NBPF3: variants seen among roughly 807,000 people sequenced by gnomAD.
NBPF3 encodes the protein NBPF family member NBPF3.
In NBPF3, 57 loss-of-function variants were observed where a neutral mutation model predicts 78.1. The observed-to-expected ratio is 0.73, with a 90% CI of 0.59 to 0.91. The LOEUF (loss-of-function observed/expected upper bound fraction) is 0.91, where lower values mean the gene tolerates loss of function less well. NBPF3 is among the 40% of genes least tolerant of loss of function. The probability of loss-of-function intolerance (pLI) is 0.00; values close to 1 mark genes in which losing one functional copy is unlikely to be tolerated. For synonymous variants in NBPF3, 182 were observed against 271.7 expected, an observed-to-expected ratio of 0.67 and a Z score of 3.25; for missense variants, 510 against 715.3, an observed-to-expected ratio of 0.71 and a Z score of 3.27.
At chr1:21,446,445 A>AC (rs1640974099) in intron 2 of NBPF3, 1 of 100,242 alleles carries the variant, frequency 1.0e-5, no homozygotes, top group African/African-American at 3.3e-5. Context: ...AAATTTGTTC[A>AC]TTTCCTTCCT....
At chr1:21,441,928 T>A (rs1640677033) in intron 1 of NBPF3, among the ~76,000 whole-genome samples, 1 of 152,214 alleles carries the variant, frequency 6.6e-6, no homozygotes, top group African/African-American at 2.4e-5. Flanking sequence ...CGCTGATGCC[T>A]GTCAGTTAAA....
chr1:21,472,794 G>A, intron 5 of NBPF3, 49 bp from the exon 6 acceptor site: 1 of 1,326,134 alleles, frequency 7.5e-7, no homozygotes, highest in Non-Finnish European at 1.1e-6. Flanking sequence ...GACTGTGCTT[G>A]CAGAGTGTGA....
At chr1:21,472,479 A>G (rs1289819335) in intron 5 of NBPF3, among the ~76,000 whole-genome samples, 1 of 152,222 alleles carries the variant, frequency 6.6e-6, no homozygotes, top group African/African-American at 2.4e-5. Context: ...CCTAAGAGAA[A>G]GAATTAGGTT....
chr1:21,470,208 T>G (rs1445892638), intron 3 of NBPF3, among the ~76,000 whole-genome samples: 1 of 152,218 alleles, frequency 6.6e-6, no homozygotes, highest in Admixed American at 6.5e-5. Context: ...TATTTGTCCT[T>G]GAACTTCCCA....
At chr1:21,438,249 A>C (rs1019466429), upstream of NBPF3, among the ~76,000 whole-genome samples, 22 of 152,086 alleles carry the variant, frequency 1.4e-4, no homozygotes, top group African/African-American at 4.3e-4. Context: ...AGTAGCTGGA[A>C]TTACAGGCGT....
intron 3 of NBPF3, among the ~76,000 whole-genome samples, chr1:21,469,680 A>C (rs1642478551): frequency 6.6e-6 from 1 of 152,184 alleles, no homozygotes. Flanking sequence ...AGCCAAGAAC[A>C]CGCCATTGCA....
At chr1:21,457,393 TATGTATATATATGC>T (rs1261066383) in intron 2 of NBPF3, among the ~76,000 whole-genome samples, 1 of 143,472 alleles carries the variant, frequency 7.0e-6, no homozygotes, top group African/African-American at 2.7e-5. Context: ...TATATATATG[TATGTATATATATGC>T]ATGTGTATAT....
chr1:21,447,081 C>T (rs1448848338), intron 2 of NBPF3, among the ~76,000 whole-genome samples: 1 of 152,220 alleles, frequency 6.6e-6, no homozygotes, highest in South Asian at 2.1e-4. Context: ...GGGGCTGCTG[C>T]ATCCTAATTA....
Position 21,470,620 on chromosome 1 carries a change from G to A in NBPF3, c.344-12G>A, listed in dbSNP as rs755363315. On this transcript the variant is annotated splice_polypyrimidine_tract_variant and intron_variant, in intron 3 of 14. Coordinates refer to ENST00000318249, the MANE Select transcript of NBPF3 (RefSeq NM_032264.6). ...GCCTTTCACTGAGGCAGGCGTGTGTGTCTTTTCTCAGACTATGAAGACTGC... is the reference window on the plus strand; with the variant it reads ...GCCTTTCACTGAGGCAGGCGTGTGTATCTTTTCTCAGACTATGAAGACTGC... 24 of 1,580,624 alleles carry A rather than the reference G, an allele frequency of 1.5e-5. No homozygotes were observed. Among genetic ancestry groups the A allele is most frequent in the Non-Finnish European group, 2.1e-5 (24 of 1,156,968 alleles).
chr1:21,456,130 T>C (rs1252412303), intron 2 of NBPF3, among the ~76,000 whole-genome samples: 1 of 152,206 alleles, frequency 6.6e-6, no homozygotes, highest in Admixed American at 6.5e-5. Context: ...CTGTGGGCTT[T>C]CCATGAATCC....
intron 8 of NBPF3, among the ~76,000 whole-genome samples, chr1:21,475,866 G>A (rs961323669): frequency 7.2e-5 from 11 of 152,212 alleles, no homozygotes; most frequent in Non-Finnish European, 1.3e-4. Flanking sequence ...AATATTGACA[G>A]TGGGGTGTTA....
intron 6 of NBPF3, among the ~76,000 whole-genome samples, 183 bp from the exon 7 acceptor site, chr1:21,473,197 C>T (rs1483814701): frequency 6.6e-6 from 1 of 152,216 alleles, no homozygotes; most frequent in East Asian, 1.9e-4. Flanking sequence ...CTCTCTGGCT[C>T]CCATGGCTGC....
At position 21,479,804 on chromosome 1, in the gene NBPF3, C is replaced by CTCTCTCTA. The variant is rs1553398264; in HGVS notation, c.1209-240_1209-239insATCTCTCT. 3.0e-3 allele frequency among the ~76,000 whole-genome samples: 193 copies of CTCTCTCTA among 65,302 alleles called. No homozygotes were observed. The East Asian group carries it at 0.031, about 10-fold the overall frequency. 42.8% of individuals were successfully genotyped at this position (65,302 alleles called of 152,430 possible). ...CACTGAGCTCACTATCTCTCTCTCT[C>CTCTCTCTA]TCTCTCTCTCTCTCTCTGTGTGTGT... On this transcript the variant is annotated intron_variant, in intron 10 of 14. Coordinates refer to ENST00000318249, the MANE Select transcript of NBPF3 (RefSeq NM_032264.6).
At position 21,480,977 on chromosome 1, in the gene NBPF3, C is replaced by T. The variant is rs772428860; in HGVS notation, c.1429C>T (p.Pro477Ser). The T allele has an allele frequency of 6.3e-7, 1 of 1,586,696 alleles. No homozygotes were observed. The highest frequency in any genetic ancestry group is 1.4e-5 in the African/African-American group (1 of 72,620). Residue 477 changes from proline to serine, a missense_variant, in exon 12 of 15, where the codon CCC becomes TCC. Physicochemically the swap from Pro to Ser is moderately conservative, Grantham distance 74. This residue lies in a region of NBPF3 where 5 missense variants were observed against 84.7 expected (regional missense o/e 0.06). Coordinates refer to ENST00000318249, the MANE Select transcript of NBPF3 (RefSeq NM_032264.6). The stretch of plus-strand genomic sequence containing the variant: ...GGAAGAAGACCAAGGCCCACCATGC[C>T]CCAGGTAAGTTTGAGCAATTGTCAA... ...EEEEDQGPPC[P>S]RLSRELPEVV...
chr1:21,445,508 T>G (rs929610539), intron 2 of NBPF3, among the ~76,000 whole-genome samples: 9 of 151,282 alleles, frequency 5.9e-5, no homozygotes, highest in African/African-American at 1.2e-4. Flanking sequence ...CTCCCCGCTC[T>G]TCCCCTCTCA....
At chr1:21,446,077 G>C (rs116301468) in intron 2 of NBPF3, 1 of 152,412 alleles carries the variant, frequency 6.6e-6, no homozygotes. Context: ...GAGAAGTCCA[G>C]TGAGAAAGGC....
At position 21,455,168 on chromosome 1, in the gene NBPF3, C is replaced by T. The variant is rs532235475; in HGVS notation, c.133+9949C>T. Reference sequence around the variant, plus strand: ...TGCACTTCACATCTCTCCAGGAAGTCCTCAGTCCCTCCAAGGAACTCACCT... The same window carrying T: ...TGCACTTCACATCTCTCCAGGAAGTTCTCAGTCCCTCCAAGGAACTCACCT... On this transcript the variant is annotated intron_variant, in intron 2 of 14. Coordinates refer to ENST00000318249, the MANE Select transcript of NBPF3 (RefSeq NM_032264.6). Among the ~76,000 whole-genome samples the T allele has an allele frequency of 7.7e-3, 1,171 of 152,352 alleles. 5 individuals are homozygous for T. Among genetic ancestry groups the T allele is most frequent in the Non-Finnish European group, 0.013 (903 of 68,036 alleles).
At chr1:21,453,932 T>A (rs1021298326) in intron 2 of NBPF3, 3 of 152,180 alleles carry the variant, frequency 2.0e-5, no homozygotes, top group Non-Finnish European at 4.4e-5. Flanking sequence ...TTTATGTGGG[T>A]GACTGAGGAA....
intron 2 of NBPF3, among the ~76,000 whole-genome samples, chr1:21,456,148 T>C (rs1641586858): frequency 1.5e-4 from 23 of 152,186 alleles, no homozygotes; most frequent in Admixed American, 1.5e-3. Context: ...TCCGTTGTAA[T>C]AAAACATAAA....
Sources: gnomAD v4.1 joint callset for allele counts (sites outside exome capture counted in the v4.1 genomes callset) on GRCh38, gnomAD v4.1.1 for gene constraint, gnomAD v4.1.1 regional missense constraint, MANE v1.5 for transcripts, NCBI Gene and HGNC (gene_info 2026-07-23, HGNC 2026-07-21) for gene names.